The following SUPT3H variants were observed in gnomAD, a reference collection of about 807,000 sequenced individuals.
SUPT3H encodes SPT3 homolog, SAGA and STAGA complex component, also known as transcription initiation protein SPT3 homolog.
In SUPT3H, 44 loss-of-function variants were observed where a neutral mutation model predicts 44.3. That is an observed-to-expected ratio of 0.99 (90% CI 0.78 to 1.28). The LOEUF (loss-of-function observed/expected upper bound fraction) is 1.28, where lower values mean the gene tolerates loss of function less well. Among genes scored for constraint, SUPT3H ranks in the 50% most tolerant of loss-of-function variants. The pLI is 0.00. For synonymous variants in SUPT3H, 124 were observed against 125.6 expected (o/e 0.99, Z 0.09); for missense variants, 380 against 387.1 (o/e 0.98, Z 0.15).
chr6:44,818,568 T>C (rs1031025308), intron 11 of SUPT3H, among the ~76,000 whole-genome samples: 1 of 151,446 alleles, frequency 6.6e-6, no homozygotes, highest in Admixed American at 6.6e-5. Context: ...TTTCTGATAA[T>C]AGATCTGTAT....
rs1797662669 is a variant in SUPT3H, at chr6:45,095,433, A to T, written c.186+10489T>A. 6.7e-6 allele frequency among the ~76,000 whole-genome samples: 1 copy of T among 149,222 alleles called. No homozygotes were observed. Among genetic ancestry groups the T allele is most frequent in the African/African-American group, 2.5e-5 (1 of 40,728 alleles). On this transcript the variant is annotated intron_variant, in intron 3 of 10. Transcript: ENST00000371459. This position sits in a 1 kb window ranked among gnomAD's most constrained non-coding sequence, Gnocchi z 4.1. ...CAGGGAAATTAAAAAGCATTACAGG[A>T]GGGAGGGGTGAATTCAGTGCATTTT...
At position 45,288,599 on chromosome 6, in the gene SUPT3H, GTATATATATATATGTATA is replaced by G. The variant is rs1562883043; in HGVS notation, c.101+76584_101+76601del. Reference sequence around the variant, plus strand: ...TATATATATGTATATATATATATGTGTATATATATATATGTATATATATATATATATATATAGCAAAGC... The same window carrying G: ...TATATATATGTATATATATATATGTGTATATATATATATATATAGCAAAGC... On this transcript the variant is annotated intron_variant, in intron 2 of 10. Coordinates refer to ENST00000371459, the MANE Select transcript of SUPT3H (RefSeq NM_003599.4). 2.9e-3 allele frequency among the ~76,000 whole-genome samples: 94 copies of G among 32,446 alleles called. 2 individuals carry two copies. Among genetic ancestry groups the G allele is most frequent in the South Asian group, 0.011 (9 of 796 alleles). 21.3% of individuals were successfully genotyped at this position (32,446 alleles called of 152,430 possible).
intron 11 of SUPT3H, among the ~76,000 whole-genome samples, chr6:44,817,823 A>C (rs1349967140): frequency 6.6e-6 from 1 of 152,194 alleles, no homozygotes; most frequent in Non-Finnish European, 1.5e-5. Context: ...ATTGATGAGA[A>C]AAATTTAAAA....
At chr6:45,295,434 A>G (rs1434460461) in intron 2 of SUPT3H, among the ~76,000 whole-genome samples, 1 of 150,282 alleles carries the variant, frequency 6.7e-6, no homozygotes, top group Non-Finnish European at 1.5e-5. Flanking sequence ...GGCTTAGGCA[A>G]GGATTTCATG....
chr6:45,284,071 A>G (rs1341140898), intron 2 of SUPT3H, among the ~76,000 whole-genome samples: 1 of 152,230 alleles, frequency 6.6e-6, no homozygotes, highest in Non-Finnish European at 1.5e-5. Context: ...ATGTACCAGA[A>G]TCTCTGGGAC....
chr6:45,239,513 G>A (rs1053562858), intron 2 of SUPT3H, among the ~76,000 whole-genome samples: 11 of 152,172 alleles, frequency 7.2e-5, no homozygotes, highest in African/African-American at 2.2e-4. Context: ...GTTAATCCTC[G>A]AGGACTGGAA....
intron 2 of SUPT3H, among the ~76,000 whole-genome samples, chr6:45,254,951 C>T (rs1237546410): frequency 6.6e-6 from 1 of 152,200 alleles, no homozygotes; most frequent in Admixed American, 6.5e-5. Context: ...AGGCTATCTA[C>T]CCATTAATCA....
chr6:44,935,357 T>C (rs1383213524), intron 9 of SUPT3H, among the ~76,000 whole-genome samples: 1 of 152,190 alleles, frequency 6.6e-6, no homozygotes, highest in Non-Finnish European at 1.5e-5. Context: ...ATGTACATAT[T>C]TGTTATTAAT....
chr6:44,852,045 T>C (rs1367469229), intron 10 of SUPT3H, among the ~76,000 whole-genome samples: 4 of 152,164 alleles, frequency 2.6e-5, no homozygotes, highest in African/African-American at 9.7e-5. Context: ...CCTCACACAT[T>C]AGAGGACCAA....
At chr6:45,282,208 C>A (rs141405597) in intron 2 of SUPT3H, among the ~76,000 whole-genome samples, 2 of 152,286 alleles carry the variant, frequency 1.3e-5, no homozygotes, top group African/African-American at 4.8e-5. Flanking sequence ...AACGCAGCTC[C>A]TCACCAGCAA....
intron 10 of SUPT3H, among the ~76,000 whole-genome samples, chr6:44,919,016 T>C (rs3901998): frequency 2.0e-5 from 3 of 152,206 alleles, no homozygotes; most frequent in African/African-American, 7.2e-5. Context: ...ATGAACTACA[T>C]AGCAAGTCTC....
intron 2 of SUPT3H, among the ~76,000 whole-genome samples, chr6:45,305,957 G>C (rs9472459): frequency 0.97 from 147,881 of 152,362 alleles, 71,791 homozygotes; most frequent in East Asian, 1. Flanking sequence ...TAGGCCCCAC[G>C]TCTACCTAGG....
intron 2 of SUPT3H, among the ~76,000 whole-genome samples, chr6:45,232,128 C>T (rs917183416): frequency 6.6e-6 from 1 of 152,158 alleles, no homozygotes; most frequent in Non-Finnish European, 1.5e-5. Flanking sequence ...CTATTTCATA[C>T]TTCCTGTGTC....
chr6:44,930,298 G>A (rs549074056), intron 10 of SUPT3H, among the ~76,000 whole-genome samples: 1 of 151,868 alleles, frequency 6.6e-6, no homozygotes, highest in African/African-American at 2.4e-5. Flanking sequence ...GGAGAATGGC[G>A]TGAATCCGGG....
At chr6:45,312,698 C>A (rs1784150964) in intron 2 of SUPT3H, among the ~76,000 whole-genome samples, 2 of 98,226 alleles carry the variant, frequency 2.0e-5, no homozygotes, top group South Asian at 3.5e-4. Flanking sequence ...GGGGGGGGGA[C>A]TTCAATACTC....
At chr6:45,063,087 G>A (rs368456694) in intron 3 of SUPT3H, among the ~76,000 whole-genome samples, 2 of 146,682 alleles carry the variant, frequency 1.4e-5, no homozygotes, top group East Asian at 2.0e-4. Context: ...GAGAGCAGTG[G>A]TTCTCCCAGC....
intron 10 of SUPT3H, among the ~76,000 whole-genome samples, chr6:44,876,752 G>GAATGAA (rs1030476212): frequency 3.6e-5 from 5 of 138,062 alleles, no homozygotes; most frequent in African/African-American, 1.1e-4. Context: ...ACTTTGAGAT[G>GAATGAA]AATGAAAATG....
chr6:45,074,153 C>T (rs1794723289), intron 3 of SUPT3H, among the ~76,000 whole-genome samples: 1 of 151,842 alleles, frequency 6.6e-6, no homozygotes, highest in Admixed American at 6.6e-5. Flanking sequence ...GTTACTGAAA[C>T]AGCTAAATGG....
At chr6:45,336,845 A>C (rs1788662668) in intron 2 of SUPT3H, among the ~76,000 whole-genome samples, 1 of 151,576 alleles carries the variant, frequency 6.6e-6, no homozygotes, top group African/African-American at 2.4e-5. Context: ...TCATTCAAAT[A>C]CATGGTCAAT....
Sources: gnomAD v4.1 joint callset for allele counts (sites outside exome capture counted in the v4.1 genomes callset) on GRCh38, gnomAD v4.1.1 for gene constraint, Gnocchi (gnomAD v3.1) non-coding constraint, MANE v1.5 for transcripts, NCBI Gene and HGNC (gene_info 2026-07-23, HGNC 2026-07-21) for gene names.